PDE7A: variants seen among roughly 807,000 people sequenced by gnomAD.
The protein encoded by PDE7A is phosphodiesterase 7A, also known as high affinity 3',5'-cyclic-AMP phosphodiesterase 7A.
Under a neutral mutation model 64.3 loss-of-function variants are expected in PDE7A, and 39 were observed. The ratio of observed to expected loss-of-function variants is 0.61; its 90% CI spans 0.47 to 0.79. PDE7A has a LOEUF of 0.79. PDE7A is among the 30% of genes least tolerant of loss of function. The pLI is 0.00. For synonymous variants in PDE7A, 203 were observed against 206.8 expected (o/e 0.98, Z 0.16); for missense variants, 470 against 582.8 (o/e 0.81, Z 1.99).
At chr8:65,828,900 C>T (rs1290297235) in intron 1 of PDE7A, among the ~76,000 whole-genome samples, 1 of 151,910 alleles carries the variant, frequency 6.6e-6, no homozygotes, top group Non-Finnish European at 1.5e-5. Context: ...GAGACTTTTG[C>T]TAATTTTCTA....
intron 5 of PDE7A, among the ~76,000 whole-genome samples, chr8:65,740,422 A>G (rs1039099055): frequency 3.3e-5 from 5 of 151,870 alleles, no homozygotes; most frequent in Admixed American, 6.6e-5. Context: ...CTTTTTTGAG[A>G]TGGAGTCCAG....
At chr8:65,749,341 T>C (rs1807827462) in intron 3 of PDE7A, among the ~76,000 whole-genome samples, 1 of 152,212 alleles carries the variant, frequency 6.6e-6, no homozygotes, top group South Asian at 2.1e-4. Flanking sequence ...TGATGAACTC[T>C]GAGGTTCCCA....
chr8:65,761,165 A>T, intron 3 of PDE7A, among the ~76,000 whole-genome samples: 1 of 151,936 alleles, frequency 6.6e-6, no homozygotes, highest in East Asian at 1.9e-4. Flanking sequence ...GTCCTGATTC[A>T]AGCAATTCTC....
rs551603245 is a variant in PDE7A at position 65,768,291 on chromosome 8, G to T, written c.283+11429C>A. 3.9e-5 allele frequency among the ~76,000 whole-genome samples: 6 copies of T among 152,208 alleles called. No homozygotes were observed. In the East Asian group the frequency reaches 1.2e-3, roughly 29 times the overall value. On this transcript the variant is annotated intron_variant, in intron 3 of 12. Transcript: ENST00000401827. ...ACTAGTATAATTCTGATATGGTTTG[G>T]CTGTGCCCCCACCCAAATCTCATCT...
chr8:65,841,320 G>C (rs759082564), intron 1 of PDE7A, 51 bp downstream of exon 1: 2 of 1,446,254 alleles, frequency 1.4e-6, no homozygotes, highest in East Asian at 2.8e-5. Flanking sequence ...GGTGGGCAGA[G>C]GGAAACAAAA....
At chr8:65,719,627 G>T in intron 12 of PDE7A, 132 bp from the exon 13 acceptor site, 1 of 648,302 alleles carries the variant, frequency 1.5e-6, no homozygotes, top group South Asian at 1.9e-5. Flanking sequence ...AAAGATTCCT[G>T]TGTATGTGTA....
At chr8:65,720,492 C>T (rs185774547) in intron 12 of PDE7A, 3 of 154,258 alleles carry the variant, frequency 1.9e-5, no homozygotes, top group African/African-American at 7.2e-5. Context: ...TTAAAGCAAC[C>T]AGCATCCACT....
At position 65,715,580 on chromosome 8, in the gene PDE7A, G is replaced by A. The variant is rs1004341990; in HGVS notation, c.*3710C>T. Among the ~76,000 whole-genome samples the A allele has an allele frequency of 2.6e-5, 4 of 151,136 alleles. No homozygotes were observed. Among genetic ancestry groups the A allele is most frequent in the Non-Finnish European group, 5.9e-5 (4 of 67,740 alleles). Reference sequence around the variant, plus strand: ...TTTAGTAGAGATGGGGTTTCACCATGTTGGCCAGACTGGTCTCGAACTCCC... The same window carrying A: ...TTTAGTAGAGATGGGGTTTCACCATATTGGCCAGACTGGTCTCGAACTCCC... On this transcript the variant is annotated 3_prime_UTR_variant, in exon 13 of 13. Coordinates refer to ENST00000401827, the MANE Select transcript of PDE7A (RefSeq NM_001242318.3).
chr8:65,783,251 G>A (rs1035511292), intron 1 of PDE7A, among the ~76,000 whole-genome samples: 12 of 152,128 alleles, frequency 7.9e-5, no homozygotes, highest in African/African-American at 2.9e-4. Context: ...CCCATTCCAT[G>A]CTTCACATAA....
intron 1 of PDE7A, among the ~76,000 whole-genome samples, chr8:65,799,897 C>A (rs570992324): frequency 1.3e-5 from 2 of 152,336 alleles, no homozygotes; most frequent in South Asian, 4.1e-4. Context: ...AACTAAATAG[C>A]AGCCCCTGAA....
intron 1 of PDE7A, among the ~76,000 whole-genome samples, chr8:65,827,660 A>G (rs1810710282): frequency 6.6e-6 from 1 of 152,168 alleles, no homozygotes; most frequent in Non-Finnish European, 1.5e-5. Context: ...CTGTATTTTT[A>G]GTGTATCTTT....
At chr8:65,803,397 T>C (rs972044405) in intron 1 of PDE7A, among the ~76,000 whole-genome samples, 2 of 152,204 alleles carry the variant, frequency 1.3e-5, no homozygotes, top group African/African-American at 4.8e-5. Context: ...GCTCCCCTTT[T>C]CAAGTTCTGG....
chr8:65,814,730 G>A (rs998890245), intron 1 of PDE7A, among the ~76,000 whole-genome samples: 3 of 152,062 alleles, frequency 2.0e-5, no homozygotes, highest in African/African-American at 4.8e-5. Context: ...TTGGCCAGGT[G>A]TGGTGGCTCA....
chr8:65,736,119 TA>T (rs1807118111), intron 6 of PDE7A, among the ~76,000 whole-genome samples: 1 of 152,022 alleles, frequency 6.6e-6, no homozygotes, highest in South Asian at 2.1e-4. Context: ...TAACAATAAT[TA>T]AAATAAAATA....
At chr8:65,814,762 T>TGGGAGGCCA (rs1222366368) in intron 1 of PDE7A, among the ~76,000 whole-genome samples, 18 of 152,096 alleles carry the variant, frequency 1.2e-4, no homozygotes, top group Non-Finnish European at 2.2e-4. Flanking sequence ...CCAGCACTTT[T>TGGGAGGCCA]GGGAGGCCAA....
intron 1 of PDE7A, among the ~76,000 whole-genome samples, chr8:65,810,898 T>C (rs1017310128): frequency 6.6e-6 from 1 of 152,160 alleles, no homozygotes; most frequent in South Asian, 2.1e-4. Flanking sequence ...AAACTTAATA[T>C]ACAACTGATT....
At chr8:65,826,560 T>C (rs1452617589) in intron 1 of PDE7A, among the ~76,000 whole-genome samples, 1 of 152,242 alleles carries the variant, frequency 6.6e-6, no homozygotes, top group African/African-American at 2.4e-5. Flanking sequence ...AGCTGCTTTT[T>C]CTACTGAGTC....
intron 1 of PDE7A, among the ~76,000 whole-genome samples, chr8:65,816,106 T>C (rs1447744619): frequency 1.3e-5 from 2 of 151,822 alleles, no homozygotes; most frequent in Non-Finnish European, 2.9e-5. Context: ...TTCTTGTAAA[T>C]GAATAATATT....
chr8:65,732,758 T>C (rs1462651639), intron 7 of PDE7A, among the ~76,000 whole-genome samples: 1 of 152,222 alleles, frequency 6.6e-6, no homozygotes, highest in Non-Finnish European at 1.5e-5. Context: ...AGTGATCCTC[T>C]TGCCCTGGCC....
Sources: allele counts gnomAD v4.1 joint callset (sites outside exome capture counted in the v4.1 genomes callset), GRCh38; gene constraint gnomAD v4.1.1; transcripts MANE v1.5; gene names NCBI Gene and HGNC (gene_info 2026-07-23, HGNC 2026-07-21).